The following KIAA1217 variants were observed in gnomAD, a reference collection of about 807,000 sequenced individuals.
KIAA1217 encodes KIAA1217.
Under a neutral mutation model 163.9 loss-of-function variants are expected in KIAA1217, and 88 were observed. That is an observed-to-expected ratio of 0.54 (90% CI 0.45 to 0.64). The LOEUF is 0.64. Ranked by LOEUF, KIAA1217 falls within the 30% of genes least tolerant of loss-of-function variation. The pLI is 0.00. For synonymous variants in KIAA1217, 903 were observed against 923.1 expected (o/e 0.98, Z 0.39); for missense variants, 2,372 against 2,475.0 (o/e 0.96, Z 0.88).
chr10:24,179,826 G>T (rs2066083709), intron 2 of KIAA1217, among the ~76,000 whole-genome samples: 1 of 152,052 alleles, frequency 6.6e-6, no homozygotes, highest in South Asian at 2.1e-4. Context: ...GACCTCAAGT[G>T]ATCCGCCTGT....
intron 2 of KIAA1217, among the ~76,000 whole-genome samples, chr10:24,082,402 C>G (rs1011008027): frequency 3.3e-5 from 5 of 152,076 alleles, no homozygotes; most frequent in Admixed American, 3.3e-4. Flanking sequence ...CCCCCAAACC[C>G]CCACCCCTAA....
rs1241004091 is a variant in KIAA1217, at chr10:23,704,146, A to ATGTGTG, written c.-321+8934_-321+8939dup. Among the ~76,000 whole-genome samples the ATGTGTG allele has an allele frequency of 6.0e-3, 390 of 64,712 alleles. 14 individuals are homozygous for ATGTGTG. Among genetic ancestry groups the ATGTGTG allele is most frequent in the African/African-American group, 0.02 (236 of 12,036 alleles). 42.5% of individuals were successfully genotyped at this position (64,712 alleles called of 152,430 possible). On this transcript the variant is annotated intron_variant, in intron 1 of 18. Coordinates refer to the KIAA1217 transcript ENST00000376462. ...CATATATGCATGTATGTGTGTGTGT[A>ATGTGTG]TGTGTGTGTGTGTGTGTGTGTGTGT...
At chr10:23,717,680 T>C (rs1390400906) in intron 1 of KIAA1217, among the ~76,000 whole-genome samples, 1 of 152,120 alleles carries the variant, frequency 6.6e-6, no homozygotes, top group Non-Finnish European at 1.5e-5. Context: ...ACAGTAGAAA[T>C]AGGGATAAGA....
In KIAA1217 at chr10:24,323,788, C is replaced by CGTGT. The variant is rs60528535; in HGVS notation, c.355-57040_355-57037dup. 6.5e-3 allele frequency among the ~76,000 whole-genome samples: 939 copies of CGTGT among 144,272 alleles called. 16 individuals carry two copies. Among genetic ancestry groups the CGTGT allele is most frequent in the African/African-American group, 0.02 (765 of 38,556 alleles). The allele number at this position is 144,272 out of a possible 152,430, so 94.6% of individuals were successfully genotyped here. A position where few individuals can be genotyped will look rare whatever the true frequency, so the allele number is the denominator to read the frequency against. The stretch of plus-strand genomic sequence containing the variant: ...GAAGACAATGCCCATGTTTTCTCTT[C>CGTGT]GTGTGTGTGTGTGTGTGTGTGTGTG... On this transcript the variant is annotated intron_variant, in intron 2 of 20. Transcript: ENST00000376454.
intron 9 of KIAA1217, among the ~76,000 whole-genome samples, chr10:24,506,038 G>A (rs1188055363): frequency 1.3e-5 from 2 of 152,098 alleles, no homozygotes; most frequent in African/African-American, 4.8e-5. Context: ...AACTAGTACA[G>A]GGCTTGACGA....
At position 24,219,617 on chromosome 10, in the gene KIAA1217, G is replaced by T. The variant is rs1250035877; in HGVS notation, c.71-9G>T. ...CATTAATTGTGAACCGAATTTTTTT[G>T]TCTTTCAGAACAAGGCAAAGGCAAT... On this transcript the variant is annotated splice_polypyrimidine_tract_variant and intron_variant, in intron 1 of 20. Transcript: ENST00000376454. The T allele has an allele frequency of 5.8e-6, 9 of 1,559,018 alleles. No homozygotes were observed. In the Admixed American group the frequency reaches 5.9e-5, roughly 10 times the overall value.
intron 1 of KIAA1217, among the ~76,000 whole-genome samples, chr10:23,776,751 G>A (rs1835025946): frequency 6.8e-6 from 1 of 147,502 alleles, no homozygotes; most frequent in South Asian, 2.1e-4. Context: ...TGTGATCTCG[G>A]CTCACTGCAA....
chr10:24,117,949 T>G (rs1031753574), intron 2 of KIAA1217, among the ~76,000 whole-genome samples: 2 of 151,920 alleles, frequency 1.3e-5, no homozygotes, highest in Non-Finnish European at 2.9e-5. Flanking sequence ...TGGAAACTGC[T>G]TATATCAGAT....
intron 2 of KIAA1217, among the ~76,000 whole-genome samples, chr10:24,049,668 T>C (rs1205497774): frequency 6.6e-6 from 1 of 152,154 alleles, no homozygotes; most frequent in Non-Finnish European, 1.5e-5. Context: ...TAGTATCTCA[T>C]GGTATATATG....
At chr10:24,023,806 G>C (rs1044378165) in intron 2 of KIAA1217, among the ~76,000 whole-genome samples, 2 of 151,660 alleles carry the variant, frequency 1.3e-5, no homozygotes, top group Admixed American at 1.3e-4. Flanking sequence ...AAATACGTAT[G>C]ACAACATGGA....
intron 1 of KIAA1217, among the ~76,000 whole-genome samples, chr10:23,992,435 C>G (rs957631239): frequency 6.6e-6 from 1 of 151,948 alleles, no homozygotes; most frequent in Non-Finnish European, 1.5e-5. Flanking sequence ...AGAATGAGAC[C>G]CAAGAGTAAC....
At chr10:24,347,285 G>A (rs1171522381) in intron 2 of KIAA1217, among the ~76,000 whole-genome samples, 1 of 152,146 alleles carries the variant, frequency 6.6e-6, no homozygotes. Flanking sequence ...TTTATATTCT[G>A]AAGGATGCAG....
intron 2 of KIAA1217, among the ~76,000 whole-genome samples, chr10:24,247,763 T>A (rs1363954853): frequency 2.0e-5 from 3 of 152,184 alleles, no homozygotes; most frequent in Non-Finnish European, 4.4e-5. Context: ...ATTGCGCCAC[T>A]GCCCTCCAGC....
intron 1 of KIAA1217, among the ~76,000 whole-genome samples, chr10:23,929,157 TTGCTA>T (rs927543260): frequency 6.6e-6 from 1 of 152,178 alleles, no homozygotes; most frequent in Non-Finnish European, 1.5e-5. Context: ...TATTTTAATA[TTGCTA>T]TGCTAAGAAA....
intron 1 of KIAA1217, among the ~76,000 whole-genome samples, chr10:23,741,570 A>G (rs539007954): frequency 6.6e-6 from 1 of 152,304 alleles, no homozygotes; most frequent in East Asian, 1.9e-4. Context: ...TCAGCATCTC[A>G]GAGATGACAT....
intron 1 of KIAA1217, among the ~76,000 whole-genome samples, chr10:23,788,087 A>C (rs1049501300): frequency 2.6e-5 from 4 of 152,136 alleles, no homozygotes; most frequent in Non-Finnish European, 5.9e-5. Flanking sequence ...AGTCCCAGCT[A>C]CTTGGAAGGC....
intron 2 of KIAA1217, among the ~76,000 whole-genome samples, chr10:24,270,156 A>G (rs955247636): frequency 6.6e-6 from 1 of 152,246 alleles, no homozygotes; most frequent in South Asian, 2.1e-4. Flanking sequence ...TTTTTTCAAA[A>G]CAGAATAATT....
At chr10:24,094,180 T>A (rs1055774007) in intron 2 of KIAA1217, among the ~76,000 whole-genome samples, 1 of 152,134 alleles carries the variant, frequency 6.6e-6, no homozygotes, top group Non-Finnish European at 1.5e-5. Flanking sequence ...ATGGGATGGC[T>A]GGGTCAAATG....
chr10:24,203,451 A>C (rs1350479133), intron 2 of KIAA1217, among the ~76,000 whole-genome samples: 2 of 152,140 alleles, frequency 1.3e-5, no homozygotes, highest in Non-Finnish European at 2.9e-5. Context: ...CAGTTTGTTC[A>C]GCAGCAAAGT....
Sources: allele counts gnomAD v4.1 joint callset (sites outside exome capture counted in the v4.1 genomes callset), GRCh38; gene constraint gnomAD v4.1.1; transcripts MANE v1.5; gene names NCBI Gene and HGNC (gene_info 2026-07-23, HGNC 2026-07-21).